The following NOL4 variants were observed in gnomAD, a reference collection of about 807,000 sequenced individuals.
NOL4 encodes the protein nucleolar protein 4, also known as cancer/testis antigen 125.
NOL4 carries 17 observed loss-of-function variants against 75.9 expected under a neutral mutation model. The observed-to-expected ratio is 0.22, with a 90% confidence interval of 0.15 to 0.34. NOL4 has a LOEUF of 0.34. Among genes scored for constraint, NOL4 ranks in the 10% least tolerant of loss-of-function variants. NOL4 has a pLI of 1.00. For synonymous variants in NOL4, 292 were observed against 289.9 expected (o/e 1.01, Z -0.07); for missense variants, 614 against 793.5 (o/e 0.77, Z 2.72).
chr18:34,193,532 C>T (rs1267627010), intron 1 of NOL4, among the ~76,000 whole-genome samples: 1 of 152,014 alleles, frequency 6.6e-6, no homozygotes, highest in African/African-American at 2.4e-5. Context: ...TTTTAAACCA[C>T]AATGATATAT....
At chr18:34,142,812 C>T (rs1205776817) in intron 1 of NOL4, among the ~76,000 whole-genome samples, 1 of 149,784 alleles carries the variant, frequency 6.7e-6, no homozygotes, top group Non-Finnish European at 1.5e-5. Flanking sequence ...CACATGTACC[C>T]TAGTACTTAA....
At chr18:33,935,496 T>TA (rs1292189465) in intron 9 of NOL4, among the ~76,000 whole-genome samples, 2 of 152,060 alleles carry the variant, frequency 1.3e-5, no homozygotes, top group African/African-American at 4.8e-5. Flanking sequence ...TTCTTTGTCT[T>TA]AATTTGGCAT....
intron 6 of NOL4, among the ~76,000 whole-genome samples, chr18:33,971,873 T>C (rs2071089990): frequency 6.6e-6 from 1 of 152,114 alleles, no homozygotes; most frequent in African/African-American, 2.4e-5. Context: ...GAACCAAAAA[T>C]ACTTTTTTAA....
chr18:33,900,878 T>C (rs979913818), intron 9 of NOL4, among the ~76,000 whole-genome samples: 1 of 152,146 alleles, frequency 6.6e-6, no homozygotes, highest in Non-Finnish European at 1.5e-5. Context: ...GTAAAAACAA[T>C]TGGATCTTGG....
intron 9 of NOL4, among the ~76,000 whole-genome samples, chr18:33,912,837 T>G (rs944696056): frequency 2.0e-5 from 3 of 152,124 alleles, no homozygotes; most frequent in African/African-American, 7.2e-5. Flanking sequence ...ACCATAACTC[T>G]TTTGTTAGAC....
At chr18:33,958,465 C>A in intron 6 of NOL4, 47 bp from the exon 7 acceptor site, 3 of 1,484,972 alleles carry the variant, frequency 2.0e-6, no homozygotes, top group Non-Finnish European at 2.7e-6. Flanking sequence ...ATTGCACAAG[C>A]TTATAAGTTT....
intron 1 of NOL4, among the ~76,000 whole-genome samples, chr18:34,209,502 T>C (rs1267078490): frequency 1.3e-5 from 2 of 152,150 alleles, no homozygotes; most frequent in East Asian, 1.9e-4. Flanking sequence ...AAAATGGTTA[T>C]AGAAAAGGGA....
rs2079256664 is a variant in NOL4 at position 34,105,960 on chromosome 18, T to G, written c.415-800A>C. Among the ~76,000 whole-genome samples, 3 of 152,064 alleles carry G rather than the reference T, an allele frequency of 2.0e-5. No homozygotes were observed. In the South Asian group the frequency reaches 6.2e-4, roughly 31 times the overall value. ...AAGCAAATAATTCCTTATGTGAAACTGATAGATAGTTGAATATCTTTAAAT... is the reference window on the plus strand; with the variant it reads ...AAGCAAATAATTCCTTATGTGAAACGGATAGATAGTTGAATATCTTTAAAT... On this transcript the variant is annotated intron_variant, in intron 2 of 10. Transcript: ENST00000261592.
At chr18:34,049,119 C>T (rs1344781927) in intron 5 of NOL4, among the ~76,000 whole-genome samples, 4 of 139,494 alleles carry the variant, frequency 2.9e-5, no homozygotes, top group South Asian at 2.3e-4. Flanking sequence ...CACACACACA[C>T]ATCCATTTTC....
intron 6 of NOL4, among the ~76,000 whole-genome samples, chr18:33,985,940 T>C (rs959789891): frequency 6.6e-6 from 1 of 152,138 alleles, no homozygotes; most frequent in African/African-American, 2.4e-5. Context: ...AATTGGGATA[T>C]AGATATGTAG....
Position 33,923,769 on chromosome 18 carries a change from A to T in NOL4, c.1542+19296T>A, listed in dbSNP as rs117678099. On this transcript the variant is annotated intron_variant, in intron 9 of 10. Transcript: ENST00000261592. The stretch of plus-strand genomic sequence containing the variant: ...GCATATAAGCAAAAAGTAAATAAGA[A>T]CAAAAATTATTTACTAAGTATAGAC... 6.3e-3 allele frequency among the ~76,000 whole-genome samples: 960 copies of T among 152,332 alleles called. 8 individuals are homozygous for T. Among genetic ancestry groups the T allele is most frequent in the Non-Finnish European group, 9.7e-3 (658 of 68,016 alleles).
At chr18:34,140,044 C>T (rs1407776518) in intron 1 of NOL4, among the ~76,000 whole-genome samples, 1 of 152,098 alleles carries the variant, frequency 6.6e-6, no homozygotes, top group African/African-American at 2.4e-5. Context: ...GTCTGAGAGA[C>T]AGTTTGCTAT....
intron 9 of NOL4, among the ~76,000 whole-genome samples, chr18:33,940,745 A>AT (rs1018703394): frequency 4.6e-5 from 7 of 151,926 alleles, no homozygotes; most frequent in South Asian, 2.1e-4. Context: ...AGAAAACAGT[A>AT]TTTTTTTGTG....
chr18:33,876,017 C>A (rs994932490), intron 10 of NOL4, among the ~76,000 whole-genome samples: 38 of 151,962 alleles, frequency 2.5e-4, no homozygotes, highest in African/African-American at 7.5e-4. Flanking sequence ...AGGATTTTGA[C>A]ATATAGACAA....
chr18:33,871,740 A>C (rs1401798237), intron 10 of NOL4, among the ~76,000 whole-genome samples: 6 of 152,054 alleles, frequency 3.9e-5, no homozygotes, highest in African/African-American at 1.4e-4. Context: ...TTTACTGTAC[A>C]GTTAGAGAAC....
chr18:33,919,491 A>G (rs569754415), intron 9 of NOL4, among the ~76,000 whole-genome samples: 1 of 152,360 alleles, frequency 6.6e-6, no homozygotes, highest in South Asian at 2.1e-4. Flanking sequence ...GGTCACTTCC[A>G]TAATGCATAA....
intron 5 of NOL4, among the ~76,000 whole-genome samples, chr18:34,066,971 C>A (rs1006269864): frequency 1.3e-5 from 2 of 151,972 alleles, no homozygotes; most frequent in Admixed American, 6.6e-5. Flanking sequence ...TACCTTTATA[C>A]GTCAGGCATT....
chr18:34,104,043 T>A lies in NOL4; in HGVS notation c.639+4A>T. 1 of 1,594,306 alleles carries A rather than the reference T, an allele frequency of 6.3e-7. No individual in the cohort carries two copies. The highest frequency in any genetic ancestry group is 8.6e-7 in the Non-Finnish European group (1 of 1,162,672). On this transcript the variant is annotated splice_donor_region_variant and intron_variant, in intron 4 of 10. Transcript: ENST00000261592. ...TAATACAAATGTAGATGTTTTTATT[T>A]TACCTCATCTTGCTGTGAGTTTAGC...
chr18:34,171,252 A>G (rs1460312905), intron 1 of NOL4, among the ~76,000 whole-genome samples: 1 of 152,070 alleles, frequency 6.6e-6, no homozygotes, highest in Non-Finnish European at 1.5e-5. Context: ...TCAGCCTTCT[A>G]CCACTCTAAG....
Sources: allele counts gnomAD v4.1 joint callset (sites outside exome capture counted in the v4.1 genomes callset), GRCh38; gene constraint gnomAD v4.1.1; transcripts MANE v1.5; gene names NCBI Gene and HGNC (gene_info 2026-07-23, HGNC 2026-07-21).